Variants in PSMB1 observed in about 807,000 individuals in gnomAD.
The protein encoded by PSMB1 is proteasome 20S subunit beta 1.
In PSMB1, 7 loss-of-function variants were observed where a neutral mutation model predicts 25.4. The observed-to-expected ratio is 0.28, with a 90% confidence interval of 0.16 to 0.52. The LOEUF (loss-of-function observed/expected upper bound fraction) is 0.52. PSMB1 is among the 20% of genes least tolerant of loss of function. The probability of loss-of-function intolerance (pLI) is 0.97; values close to 1 mark genes in which losing one functional copy is unlikely to be tolerated. For missense variants in PSMB1, 284 were observed against 302.2 expected, an observed-to-expected ratio of 0.94 and a Z score of 0.45; for synonymous variants, 119 against 115.0, an observed-to-expected ratio of 1.03 and a Z score of -0.22.
chr6:170,549,196 G>A (rs1452169523), intron 1 of PSMB1, 83 bp from the exon 2 acceptor site: 2 of 711,466 alleles, frequency 2.8e-6, no homozygotes, highest in Non-Finnish European at 4.7e-6. Context: ...GTACATAATG[G>A]GATAAAATAC....
chr6:170,544,452 G>A (rs529140608), intron 3 of PSMB1, among the ~76,000 whole-genome samples: 2 of 152,228 alleles, frequency 1.3e-5, no homozygotes, highest in South Asian at 2.1e-4. Context: ...ATACCTTTGC[G>A]AGCCCTACAT....
chr6:170,553,299 T>C lies in PSMB1; in HGVS notation c.-57A>G. On this transcript the variant is annotated 5_prime_UTR_variant, in exon 1 of 6. Transcript: ENST00000262193. The stretch of plus-strand genomic sequence containing the variant: ...CTGTCTCACGGCGAGATGGCTGCCT[T>C]GACCGGACGTTACGCCACTTCCGGC... 7.5e-7 allele frequency: 1 copy of C among 1,328,050 alleles called. No individual in the cohort carries two copies. The highest frequency in any genetic ancestry group is 1.1e-6 in the Non-Finnish European group (1 of 942,364). 82.3% of individuals were successfully genotyped at this position (1,328,050 alleles called of 1,614,324 possible).
intron 3 of PSMB1, among the ~76,000 whole-genome samples, chr6:170,544,522 A>G (rs1490526944): frequency 6.6e-6 from 1 of 152,216 alleles, no homozygotes; most frequent in East Asian, 1.9e-4. Flanking sequence ...CAAGATCACC[A>G]ATTTTTGTTA....
intron 1 of PSMB1, chr6:170,550,367 T>G (rs1160208480): frequency 6.6e-6 from 1 of 152,242 alleles, no homozygotes; most frequent in Non-Finnish European, 1.5e-5. Flanking sequence ...GGGTTCCTAC[T>G]GTAGAAAATC....
intron 1 of PSMB1, among the ~76,000 whole-genome samples, chr6:170,552,611 T>C (rs1778923478): frequency 6.6e-6 from 1 of 152,094 alleles, no homozygotes; most frequent in Non-Finnish European, 1.5e-5. Context: ...CTGCTACAAT[T>C]AGAAATAACA....
intron 3 of PSMB1, 87 bp downstream of exon 3, chr6:170,546,016 C>G (rs1778812494): frequency 8.7e-7 from 1 of 1,146,920 alleles, no homozygotes; most frequent in South Asian, 1.4e-5. Flanking sequence ...CTCTAGCTAT[C>G]TGACCAACAG....
intron 5 of PSMB1, among the ~76,000 whole-genome samples, chr6:170,536,869 A>C (rs909636790): frequency 2.0e-5 from 3 of 152,170 alleles, no homozygotes; most frequent in African/African-American, 7.2e-5. Flanking sequence ...TGGGAGTTCA[A>C]GTACAGTATT....
At chr6:170,543,838 G>A (rs1778784896) in intron 3 of PSMB1, 108 bp from the exon 4 acceptor site, 2 of 1,090,564 alleles carry the variant, frequency 1.8e-6, no homozygotes, top group Non-Finnish European at 2.5e-6. Flanking sequence ...AGTGGAAGGG[G>A]AAAGCATGCC....
intron 1 of PSMB1, 71 bp from the exon 2 acceptor site, chr6:170,549,184 T>C: frequency 2.4e-6 from 2 of 822,994 alleles, no homozygotes; most frequent in Non-Finnish European, 4.0e-6. Context: ...GAATGCTCCA[T>C]AGTACATAAT....
chr6:170,535,430 A>G, intron 5 of PSMB1, 25 bp from the exon 6 acceptor site: 1 of 1,589,026 alleles, frequency 6.3e-7, no homozygotes, highest in South Asian at 1.1e-5. Context: ...AACTTGGGTG[A>G]GATGTCATGT....
At chr6:170,543,515 G>A in intron 4 of PSMB1, 86 bp downstream of exon 4, 1 of 1,264,042 alleles carries the variant, frequency 7.9e-7, no homozygotes, top group Non-Finnish European at 1.1e-6. Context: ...TGGTATTTAT[G>A]GTTCTTTTCA....
chr6:170,535,139 A>T lies in PSMB1; in HGVS notation c.*81T>A. On this transcript the variant is annotated 3_prime_UTR_variant, in exon 6 of 6. Coordinates refer to ENST00000262193, the MANE Select transcript of PSMB1 (RefSeq NM_002793.4). ...AATGAGTACTTCAGGTTTCTCTTTT[A>T]ATAAACAAAACCATCCAAGGTACAG... is the stretch of plus-strand genomic sequence containing the variant. The T allele has an allele frequency of 7.7e-7, 1 of 1,301,834 alleles. No homozygotes were observed. The highest frequency in any genetic ancestry group is 1.0e-6 in the Non-Finnish European group (1 of 963,400). The allele number at this position is 1,301,834 out of a possible 1,614,324, so 80.6% of individuals were successfully genotyped here.
intron 2 of PSMB1, among the ~76,000 whole-genome samples, chr6:170,547,763 TG>T (rs1778837573): frequency 6.6e-6 from 1 of 151,986 alleles, no homozygotes; most frequent in Non-Finnish European, 1.5e-5. Flanking sequence ...GAAACAGGTT[TG>T]GAAGAGGCAA....
intron 4 of PSMB1, among the ~76,000 whole-genome samples, chr6:170,539,667 GA>G (rs1326707694): frequency 1.3e-5 from 2 of 152,108 alleles, no homozygotes; most frequent in Non-Finnish European, 2.9e-5. Flanking sequence ...GTATCCTTCA[GA>G]AAGAGTATAC....
chr6:170,549,371 T>C (rs1445128992), intron 1 of PSMB1: 1 of 417,054 alleles, frequency 2.4e-6, no homozygotes, highest in African/African-American at 2.0e-5. Flanking sequence ...TGAATTATCA[T>C]CACCAACACA....
chr6:170,540,363 C>A (rs1583113516), intron 4 of PSMB1, among the ~76,000 whole-genome samples: 1 of 152,120 alleles, frequency 6.6e-6, no homozygotes, highest in Non-Finnish European at 1.5e-5. Flanking sequence ...AAACAAAACA[C>A]AGACCTTCAG....
chr6:170,544,909 C>T (rs947583005), intron 3 of PSMB1, among the ~76,000 whole-genome samples: 22 of 152,088 alleles, frequency 1.4e-4, no homozygotes, highest in Non-Finnish European at 2.8e-4. Flanking sequence ...CTTTGGGAGG[C>T]CGAGATGGGT....
intron 4 of PSMB1, among the ~76,000 whole-genome samples, chr6:170,537,585 G>A (rs757910112): frequency 2.0e-5 from 3 of 152,132 alleles, no homozygotes; most frequent in African/African-American, 4.8e-5. Flanking sequence ...CCCAATCCCC[G>A]TGTTGGTGTG....
At chr6:170,549,894 T>A (rs941553505) in intron 1 of PSMB1, 2 of 152,194 alleles carry the variant, frequency 1.3e-5, no homozygotes, top group African/African-American at 4.8e-5. Context: ...TAGCTATAAG[T>A]GCTATGGCAC....
Sources: gnomAD v4.1 joint callset for allele counts (sites outside exome capture counted in the v4.1 genomes callset) on GRCh38, gnomAD v4.1.1 for gene constraint, MANE v1.5 for transcripts, NCBI Gene and HGNC (gene_info 2026-07-23, HGNC 2026-07-21) for gene names.